Variants in ITGA1 observed in about 807,000 individuals in gnomAD.
ITGA1 encodes integrin subunit alpha 1, also known as integrin alpha-1.
A neutral mutation model predicts 145.9 loss-of-function variants in ITGA1; 85 were observed. That is an observed-to-expected ratio of 0.58 (90% CI 0.49 to 0.70). The LOEUF is 0.70. Ranked by LOEUF, ITGA1 falls within the 30% of genes least tolerant of loss-of-function variation. The probability of loss-of-function intolerance (pLI) is 0.00; values close to 1 mark genes in which losing one functional copy is unlikely to be tolerated. For missense variants in ITGA1, 1,351 were observed against 1,418.7 expected, an observed-to-expected ratio of 0.95 and a Z score of 0.77; for synonymous variants, 520 against 495.3, an observed-to-expected ratio of 1.05 and a Z score of -0.66.
intron 17 of ITGA1, among the ~76,000 whole-genome samples, chr5:52,920,996 T>A (rs1001684200): frequency 6.6e-6 from 1 of 152,188 alleles, no homozygotes; most frequent in African/African-American, 2.4e-5. Flanking sequence ...AGTTTTTTTT[T>A]TTTTTAATTT....
intron 11 of ITGA1, among the ~76,000 whole-genome samples, chr5:52,899,058 G>A (rs187427218): frequency 1.3e-3 from 199 of 152,202 alleles, no homozygotes; most frequent in Middle Eastern, 6.8e-3. Context: ...ACAGTTGGGA[G>A]GACCTAAAAT....
chr5:52,840,809 T>G (rs1326681235), intron 1 of ITGA1, among the ~76,000 whole-genome samples: 1 of 152,200 alleles, frequency 6.6e-6, no homozygotes, highest in Non-Finnish European at 1.5e-5. Flanking sequence ...GAATGACCTT[T>G]ATACTGAAAG....
At chr5:52,846,767 C>T (rs1749345108) in intron 1 of ITGA1, among the ~76,000 whole-genome samples, 1 of 152,196 alleles carries the variant, frequency 6.6e-6, no homozygotes, top group South Asian at 2.1e-4. Context: ...TTGTCCTGGC[C>T]TGTGTCTTAA....
chr5:52,826,683 G>A (rs775234873), intron 1 of ITGA1, among the ~76,000 whole-genome samples: 1 of 152,154 alleles, frequency 6.6e-6, no homozygotes, highest in Non-Finnish European at 1.5e-5. Flanking sequence ...GGGCCCTTAA[G>A]CACTATGCTA....
At chr5:52,875,105 T>C (rs1749844773) in intron 6 of ITGA1, among the ~76,000 whole-genome samples, 1 of 152,216 alleles carries the variant, frequency 6.6e-6, no homozygotes, top group African/African-American at 2.4e-5. Context: ...CTTACTCTTT[T>C]GCACCATTTG....
chr5:52,929,384 T>G lies in ITGA1; in HGVS notation c.2695-241T>G, dbSNP rs143575641. On this transcript the variant is annotated intron_variant, in intron 20 of 28. Transcript: ENST00000282588. Reference sequence around the variant, plus strand: ...TGTTTAGGTTTCAACACATGAATTTTGAGGGGAAACATTCACATTATAGCA... The same window carrying G: ...TGTTTAGGTTTCAACACATGAATTTGGAGGGGAAACATTCACATTATAGCA... 9.3e-4 allele frequency among the ~76,000 whole-genome samples: 142 copies of G among 152,298 alleles called. 1 individual carries two copies. In the Middle Eastern group the frequency reaches 0.014, roughly 15 times the overall value.
intron 1 of ITGA1, among the ~76,000 whole-genome samples, chr5:52,816,373 A>G (rs190951890): frequency 2.1e-3 from 324 of 152,306 alleles, no homozygotes; most frequent in South Asian, 6.6e-3. Context: ...AGATAGTTCA[A>G]TGTTAGCCAC....
chr5:52,804,377 A>T (rs1399116313), intron 1 of ITGA1, among the ~76,000 whole-genome samples: 1 of 152,340 alleles, frequency 6.6e-6, no homozygotes, highest in East Asian at 1.9e-4. Context: ...GCTACGATAC[A>T]TATCAAATGA....
intron 23 of ITGA1, among the ~76,000 whole-genome samples, chr5:52,935,953 A>ATT (rs1432000108): frequency 7.1e-5 from 6 of 84,300 alleles, no homozygotes; most frequent in East Asian, 3.7e-4. Flanking sequence ...AGAACACAGG[A>ATT]TTTCTTTTTT....
chr5:52,895,227 C>T (rs577384024), intron 9 of ITGA1, among the ~76,000 whole-genome samples: 164 of 152,182 alleles, frequency 1.1e-3, no homozygotes, highest in African/African-American at 3.9e-3. Context: ...ATTTCTGTGC[C>T]TCCCTTTTCC....
chr5:52,808,362 A>T (rs560927266), intron 1 of ITGA1, among the ~76,000 whole-genome samples: 3 of 152,322 alleles, frequency 2.0e-5, no homozygotes, highest in African/African-American at 7.2e-5. Flanking sequence ...TTGTTGAAGG[A>T]TGAATTTTTG....
chr5:52,815,202 A>G (rs944369481), intron 1 of ITGA1, among the ~76,000 whole-genome samples: 1 of 152,080 alleles, frequency 6.6e-6, no homozygotes, highest in East Asian at 1.9e-4. Context: ...AAGATCCACC[A>G]CGGTTTTTAC....
At chr5:52,805,948 T>C (rs544157373) in intron 1 of ITGA1, among the ~76,000 whole-genome samples, 1 of 152,166 alleles carries the variant, frequency 6.6e-6, no homozygotes, top group South Asian at 2.1e-4. Context: ...TGGTATATCA[T>C]GTTTAAGTAA....
At chr5:52,837,572 T>C (rs751969098) in intron 1 of ITGA1, among the ~76,000 whole-genome samples, 3 of 152,156 alleles carry the variant, frequency 2.0e-5, no homozygotes, top group Non-Finnish European at 2.9e-5. Flanking sequence ...GATCCTTATA[T>C]ATAACAAATA....
intron 26 of ITGA1, among the ~76,000 whole-genome samples, 166 bp downstream of exon 26, chr5:52,940,110 C>G (rs1255136640): frequency 6.6e-6 from 1 of 152,172 alleles, no homozygotes; most frequent in Admixed American, 6.5e-5. Context: ...ATGTGTGTCT[C>G]ATCTTCCTTG....
intron 6 of ITGA1, among the ~76,000 whole-genome samples, chr5:52,868,672 C>T (rs984080061): frequency 6.6e-6 from 1 of 152,080 alleles, no homozygotes; most frequent in Non-Finnish European, 1.5e-5. Flanking sequence ...AATGAACTTA[C>T]CCTGCAGCAG....
chr5:52,881,549 G>A (rs1749960165), intron 6 of ITGA1, among the ~76,000 whole-genome samples: 1 of 152,122 alleles, frequency 6.6e-6, no homozygotes, highest in Admixed American at 6.6e-5. Flanking sequence ...TCTAGCTTTA[G>A]AGAAGCTCCA....
At chr5:52,911,010 A>ATATACTATATATAGTATG in intron 14 of ITGA1, among the ~76,000 whole-genome samples, 1 of 16,356 alleles carries the variant, frequency 6.1e-5, no homozygotes, top group South Asian at 1.6e-3. Context: ...TGTATACTGT[A>ATATACTATATATAGTATG]TATACTATAT....
At chr5:52,937,364 G>A (rs777304101) in intron 23 of ITGA1, 37 bp from the exon 24 acceptor site, 2 of 1,319,252 alleles carry the variant, frequency 1.5e-6, no homozygotes, top group Non-Finnish European at 2.2e-6. Flanking sequence ...TCTATTAAAA[G>A]AGGAAGAAAG....
Sources: allele counts gnomAD v4.1 joint callset (sites outside exome capture counted in the v4.1 genomes callset), GRCh38; gene constraint gnomAD v4.1.1; transcripts MANE v1.5; gene names NCBI Gene and HGNC (gene_info 2026-07-23, HGNC 2026-07-21).